CBFA2T3: variants seen among roughly 807,000 people sequenced by gnomAD.
CBFA2T3 encodes transcriptional corepressor CBFA2T3.
CBFA2T3 carries 31 observed loss-of-function variants against 58.6 expected under a neutral mutation model. The ratio of observed to expected loss-of-function variants is 0.53; its 90% confidence interval spans 0.40 to 0.71. The LOEUF is 0.71. CBFA2T3 is among the 30% of genes least tolerant of loss of function. CBFA2T3 has a pLI of 0.00. For synonymous variants in CBFA2T3, 531 were observed against 421.9 expected (o/e 1.26, Z -3.17); for missense variants, 1,076 against 963.1 (o/e 1.12, Z -1.55).
intron 5 of CBFA2T3, among the ~76,000 whole-genome samples, chr16:88,890,518 G>A (rs1039593372): frequency 2.6e-5 from 4 of 152,192 alleles, no homozygotes; most frequent in South Asian, 2.1e-4. Context: ...ACCCCAACAC[G>A]TGCTCGGCAG....
intron 11 of CBFA2T3, 109 bp from the exon 12 acceptor site, chr16:88,877,384 G>C (rs1968880985): frequency 8.0e-6 from 7 of 880,366 alleles, no homozygotes; most frequent in Non-Finnish European, 1.0e-5. Context: ...CAGGTGAGAA[G>C]AGAGAAACTC....
chr16:88,918,655 A>G (rs1405352559), intron 1 of CBFA2T3, among the ~76,000 whole-genome samples: 1 of 152,240 alleles, frequency 6.6e-6, no homozygotes, highest in East Asian at 1.9e-4. Flanking sequence ...GGGAGGGCTG[A>G]GCAGAGCTAT....
At chr16:88,941,273 TC>T (rs1277784371) in intron 1 of CBFA2T3, 1 of 667,040 alleles carries the variant, frequency 1.5e-6, no homozygotes, top group African/African-American at 2.0e-5. Flanking sequence ...CGGGGCGGTC[TC>T]CGGCCTCCGC....
At chr16:88,916,416 G>C (rs1454507883) in intron 1 of CBFA2T3, among the ~76,000 whole-genome samples, 3 of 146,558 alleles carry the variant, frequency 2.0e-5, no homozygotes, top group Non-Finnish European at 4.7e-5. Context: ...TCATGCGTGT[G>C]CATGGCTGTG....
intron 3 of CBFA2T3, among the ~76,000 whole-genome samples, chr16:88,896,267 A>G (rs1969883406): frequency 6.6e-6 from 1 of 152,118 alleles, no homozygotes; most frequent in Non-Finnish European, 1.5e-5. Flanking sequence ...TGGGGCCGCG[A>G]ACCTCCACAC....
rs1278801256 is a variant in CBFA2T3 at position 88,876,343 on chromosome 16, T to C, written c.*633A>G. The C allele has an allele frequency of 8.7e-6, 2 of 228,764 alleles. No homozygotes were observed. Among genetic ancestry groups the C allele is most frequent in the African/African-American group, 4.4e-5 (2 of 45,092 alleles). The allele number at this position is 228,764 out of a possible 1,614,324, so 14.2% of individuals were successfully genotyped here. A position where few individuals can be genotyped will look rare whatever the true frequency, so the allele number is the denominator to read the frequency against. On this transcript the variant is annotated 3_prime_UTR_variant, in exon 12 of 12. Coordinates refer to ENST00000268679, the MANE Select transcript of CBFA2T3 (RefSeq NM_005187.6). ...ATCTTGAGTCAGAAATCGAAATCTTTCCTCCCGTCTTCGCTGATCAGCCTC... is the reference window on the plus strand; with the variant it reads ...ATCTTGAGTCAGAAATCGAAATCTTCCCTCCCGTCTTCGCTGATCAGCCTC...
Position 88,891,799 on chromosome 16 carries a change from A to G in CBFA2T3, c.711+83T>C, listed in dbSNP as rs1196442955. 10 of 955,338 alleles carry G rather than the reference A, an allele frequency of 1.0e-5. No individual in the cohort carries two copies. The East Asian group carries it at 2.3e-4, about 22-fold the overall frequency. 59.2% of individuals were successfully genotyped at this position (955,338 alleles called of 1,614,324 possible). ...CACTTAAGCCCCTTCCCGCCTGTCC[A>G]CCGCTGTCCACGCTGGCAAGGAGTG... On this transcript the variant is annotated intron_variant, in intron 5 of 11. Transcript: ENST00000268679.
intron 1 of CBFA2T3, among the ~76,000 whole-genome samples, chr16:88,922,711 C>T (rs776136162): frequency 1.3e-5 from 2 of 152,232 alleles, no homozygotes; most frequent in Non-Finnish European, 2.9e-5. Context: ...AGCTTGCAGC[C>T]GTCGGAGGGT....
At chr16:88,931,791 T>C (rs532261954) in intron 1 of CBFA2T3, among the ~76,000 whole-genome samples, 1 of 152,194 alleles carries the variant, frequency 6.6e-6, no homozygotes, top group Non-Finnish European at 1.5e-5. Flanking sequence ...ATGCAGGTGC[T>C]GTGGTCCCCA....
At chr16:88,881,186 C>A in intron 9 of CBFA2T3, 105 bp downstream of exon 9, 1 of 1,036,308 alleles carries the variant, frequency 9.6e-7, no homozygotes. Flanking sequence ...TCAAGCGAAA[C>A]TGTTCTGCCT....
chr16:88,975,747 C>T lies in CBFA2T3; in HGVS notation c.151+910G>A, dbSNP rs148625106. On this transcript the variant is annotated intron_variant, in intron 1 of 11. Transcript: ENST00000268679. ...GGGGATGGCCCTGGGGCCCCACGGGCAGCTGCAGGTGGGAACAGCCTCAGG... is the reference window on the plus strand; with the variant it reads ...GGGGATGGCCCTGGGGCCCCACGGGTAGCTGCAGGTGGGAACAGCCTCAGG... Among the ~76,000 whole-genome samples, 259 of 152,372 alleles carry T rather than the reference C, an allele frequency of 1.7e-3. 1 individual carries two copies. The highest frequency in any genetic ancestry group is 5.8e-3 in the African/African-American group (243 of 41,590).
intron 1 of CBFA2T3, among the ~76,000 whole-genome samples, chr16:88,930,907 C>T (rs959931523): frequency 9.9e-5 from 15 of 151,192 alleles, no homozygotes; most frequent in Admixed American, 4.6e-4. Context: ...GGGTGATGAG[C>T]ACGTGTGGGA....
At chr16:88,894,606 T>TACACACATGCAC (rs1229880108) in intron 3 of CBFA2T3, among the ~76,000 whole-genome samples, 3 of 142,174 alleles carry the variant, frequency 2.1e-5, no homozygotes, top group African/African-American at 6.1e-5. Context: ...GCACACAATG[T>TACACACATGCAC]ACACACATGC....
chr16:88,881,057 A>G (rs2142534260), intron 9 of CBFA2T3: 1 of 705,866 alleles, frequency 1.4e-6, no homozygotes, highest in Non-Finnish European at 2.6e-6. Context: ...TGAGGCGGAG[A>G]AGCAGAGACC....
chr16:88,902,686 T>TC (rs1372871398), intron 1 of CBFA2T3, among the ~76,000 whole-genome samples: 3 of 152,144 alleles, frequency 2.0e-5, no homozygotes, highest in African/African-American at 7.2e-5. Flanking sequence ...CCCCAGGGCC[T>TC]CCCCATTTAT....
chr16:88,897,951 G>C (rs1969950244), intron 3 of CBFA2T3, 127 bp downstream of exon 3: 2 of 730,614 alleles, frequency 2.7e-6, no homozygotes, highest in Admixed American at 4.2e-5. Flanking sequence ...ACACAACAGA[G>C]GCAATGCTGA....
intron 1 of CBFA2T3, among the ~76,000 whole-genome samples, chr16:88,942,496 C>A (rs750104444): frequency 5.9e-5 from 9 of 152,204 alleles, no homozygotes; most frequent in Non-Finnish European, 1.2e-4. Flanking sequence ...CAGCTTTGTG[C>A]CGCGGGCCTT....
chr16:88,939,236 G>A (rs1233837268), intron 1 of CBFA2T3: 1 of 152,222 alleles, frequency 6.6e-6, no homozygotes, highest in Non-Finnish European at 1.5e-5. Context: ...AGCCCCAGAG[G>A]GTTCTGGAAG....
intron 1 of CBFA2T3, among the ~76,000 whole-genome samples, chr16:88,974,855 G>C (rs537308707): frequency 6.6e-6 from 1 of 152,114 alleles, no homozygotes; most frequent in Non-Finnish European, 1.5e-5. Flanking sequence ...TGTCCCCTGG[G>C]GGCCTTGGGA....
Sources: allele counts gnomAD v4.1 joint callset (sites outside exome capture counted in the v4.1 genomes callset), GRCh38; gene constraint gnomAD v4.1.1; transcripts MANE v1.5; gene names NCBI Gene and HGNC (gene_info 2026-07-23, HGNC 2026-07-21).